EHMT1: variants seen among roughly 807,000 people sequenced by gnomAD.
The protein encoded by EHMT1 is euchromatic histone lysine methyltransferase 1.
EHMT1 carries 15 observed loss-of-function variants against 147.2 expected under a neutral mutation model. The observed-to-expected ratio is 0.10, with a 90% CI of 0.07 to 0.16. The LOEUF (loss-of-function observed/expected upper bound fraction) is 0.16. EHMT1 is among the 10% of genes least tolerant of loss of function. The probability of loss-of-function intolerance (pLI) is 1.00; values close to 1 mark genes in which losing one functional copy is unlikely to be tolerated. For synonymous variants in EHMT1, 795 were observed against 709.6 expected (o/e 1.12, Z -1.91); for missense variants, 1,587 against 1,772.4 (o/e 0.90, Z 1.88).
intron 5 of EHMT1, 121 bp from the exon 6 acceptor site, chr9:137,743,781 G>C: frequency 7.7e-7 from 1 of 1,293,136 alleles, no homozygotes; most frequent in Non-Finnish European, 1.1e-6. Context: ...ACCTCTTCGT[G>C]TGTCCCCGCC....
At chr9:137,723,181 G>A (rs1469758610) in intron 3 of EHMT1, among the ~76,000 whole-genome samples, 1 of 116,286 alleles carries the variant, frequency 8.6e-6, no homozygotes, top group Non-Finnish European at 1.8e-5. Flanking sequence ...TGAGTCCGGG[G>A]TGTGCCTGTG....
chr9:137,645,367 C>A (rs1364193832), intron 1 of EHMT1, among the ~76,000 whole-genome samples: 3 of 152,194 alleles, frequency 2.0e-5, no homozygotes, highest in African/African-American at 7.2e-5. Flanking sequence ...AGACAGGAAC[C>A]ATTTATCCAT....
In EHMT1 at chr9:137,752,424, T is replaced by G. The variant is rs777305555; in HGVS notation, c.1248+16T>G. 4.2e-5 allele frequency: 67 copies of G among 1,611,398 alleles called. No individual in the cohort carries two copies. Among genetic ancestry groups the G allele is most frequent in the East Asian group, 1.1e-4 (5 of 44,824 alleles). On this transcript the variant is annotated intron_variant, in intron 7 of 26. Transcript: ENST00000460843. ...GTCTGACCTGGTAATGCCCAGCGCC[T>G]CCTCCTGCGTCTGTGCTGATGTAGA...
chr9:137,722,662 CTGTG>C (rs1270804085), intron 3 of EHMT1, among the ~76,000 whole-genome samples: 21 of 151,340 alleles, frequency 1.4e-4, no homozygotes, highest in Non-Finnish European at 1.9e-4. Context: ...GCGGCAGAGA[CTGTG>C]GGTGGGTGGG....
Position 137,716,865 on chromosome 9 carries a change from G to A in EHMT1, c.325G>A (p.Val109Ile), listed in dbSNP as rs199703555. The change falls in exon 3 of 27, where the codon GTC (valine) becomes ATC (isoleucine). Residue 109 changes from valine to isoleucine, a missense_variant. By Grantham distance (29) the Val-to-Ile change is conservative. Around this residue, in one of 7 missense-constraint regions of EHMT1, gnomAD observed 810 missense variants for 673.0 expected, o/e 1.20. Transcript: ENST00000460843. Reference protein sequence around the residue: ...RDSEAAKQNHVTADDFVQTSV... With the variant: ...RDSEAAKQNHITADDFVQTSV... ...CTCAGAAGCGGCGAAGCAAAACCAC[G>A]TCACTGCCGACGACTTTGTGCAGAC... The A allele has an allele frequency of 4.0e-5, 64 of 1,613,158 alleles. No homozygotes were observed. The highest frequency in any genetic ancestry group is 4.4e-5 in the Non-Finnish European group (52 of 1,179,924).
chr9:137,710,067 G>A (rs1007390343), intron 1 of EHMT1, among the ~76,000 whole-genome samples: 2 of 152,000 alleles, frequency 1.3e-5, no homozygotes, highest in African/African-American at 2.4e-5. Context: ...CTGCTGCTGC[G>A]TCGGGAGAGG....
chr9:137,716,631 C>G lies in EHMT1; in HGVS notation c.91C>G (p.Pro31Ala), dbSNP rs759512176. 1.5e-5 allele frequency: 23 copies of G among 1,565,026 alleles called. No homozygotes were observed. Among genetic ancestry groups the G allele is most frequent in the Non-Finnish European group, 1.9e-5 (22 of 1,153,696 alleles). ...ACTCGTTTCTTTGTTGGCAGAGACA[C>G]CTATGGCTGCCGATGAAGGCTCAGC... The part of the protein sequence containing the change: ...VKTELLGEET[P>A]MAADEGSAEK... The change falls in exon 3 of 27, where the codon CCT becomes GCT. Residue 31 changes from proline (P) to alanine (A), a missense_variant. Pro to Ala is a conservative substitution (Grantham distance 27). Around this residue, in one of 7 missense-constraint regions of EHMT1, gnomAD observed 810 missense variants for 673.0 expected, o/e 1.20. Transcript: ENST00000460843.
At chr9:137,788,129 G>C in intron 15 of EHMT1, 1 of 1,177,426 alleles carries the variant, frequency 8.5e-7, no homozygotes, top group Non-Finnish European at 1.2e-6. Flanking sequence ...TCTCAGAGGA[G>C]GGCAGGGGTG....
intron 19 of EHMT1, among the ~76,000 whole-genome samples, chr9:137,812,133 G>C (rs1954540842): frequency 6.6e-6 from 1 of 152,242 alleles, no homozygotes. Context: ...GAGGTCAGGA[G>C]TTTGAGACTA....
rs1345459127 is a variant in EHMT1, at chr9:137,787,994, C to T, written c.2383-2854C>T. 2 of 1,469,778 alleles carry T rather than the reference C, an allele frequency of 1.4e-6. No individual in the cohort carries two copies. Among genetic ancestry groups the T allele is most frequent in the Admixed American group, 1.8e-5 (1 of 56,930 alleles). 91.0% of individuals were successfully genotyped at this position (1,469,778 alleles called of 1,614,324 possible). A position where few individuals can be genotyped will look rare whatever the true frequency, so the allele number is the denominator to read the frequency against. On this transcript the variant is annotated intron_variant, in intron 15 of 26. Transcript: ENST00000460843. This position sits in a 1 kb window ranked among gnomAD's most constrained non-coding sequence, Gnocchi z 4.2. Reference sequence around the variant, plus strand: ...GCCCCCCAGGAACTGAGGTGCCCTGCAGTAAGTGGAGAGGCCAGGCCCTAG... The same window carrying T: ...GCCCCCCAGGAACTGAGGTGCCCTGTAGTAAGTGGAGAGGCCAGGCCCTAG...
intron 25 of EHMT1, 39 bp downstream of exon 25, chr9:137,818,177 T>A (rs1484288301): frequency 1.2e-6 from 2 of 1,606,180 alleles, no homozygotes; most frequent in Non-Finnish European, 1.7e-6. Flanking sequence ...GCAGAACTTG[T>A]GAACTGTAAA....
chr9:137,693,316 T>A (rs1334231679), intron 1 of EHMT1, among the ~76,000 whole-genome samples: 2 of 152,104 alleles, frequency 1.3e-5, no homozygotes, highest in Non-Finnish European at 2.9e-5. Context: ...ATATATTGAA[T>A]AATATTAGAG....
chr9:137,635,757 T>C (rs1297384403), intron 1 of EHMT1, among the ~76,000 whole-genome samples: 4 of 150,340 alleles, frequency 2.7e-5, no homozygotes, highest in African/African-American at 9.7e-5. Flanking sequence ...GAGGCGGAGC[T>C]TGCAGTGAGC....
At chr9:137,834,745 TG>T (rs1190564276) in intron 26 of EHMT1, 27 bp from the exon 27 acceptor site, 1 of 1,613,268 alleles carries the variant, frequency 6.2e-7, no homozygotes, top group East Asian at 2.2e-5. Flanking sequence ...GGATTCGACT[TG>T]GAGCCTTGGT....
chr9:137,763,511 C>T, intron 10 of EHMT1: 1 of 156,554 alleles, frequency 6.4e-6, no homozygotes, highest in Non-Finnish European at 1.4e-5. Context: ...CTTGCATTTG[C>T]TGTGGCCGAA....
intron 6 of EHMT1, among the ~76,000 whole-genome samples, chr9:137,750,019 C>T (rs911625117): frequency 3.9e-5 from 6 of 152,104 alleles, no homozygotes; most frequent in Admixed American, 1.3e-4. Flanking sequence ...AGAGAAGAAC[C>T]GGAAATAAAC....
intron 10 of EHMT1, chr9:137,763,316 C>A: frequency 4.3e-6 from 1 of 234,804 alleles, no homozygotes; most frequent in South Asian, 7.1e-5. Context: ...GGGGATCAGG[C>A]AGAGCACAGA....
At chr9:137,729,565 C>T (rs1026618101) in intron 4 of EHMT1, among the ~76,000 whole-genome samples, 2 of 150,550 alleles carry the variant, frequency 1.3e-5, no homozygotes, top group Non-Finnish European at 2.9e-5. Flanking sequence ...CCAGCCTGGG[C>T]GACAGAGCAA....
intron 2 of EHMT1, 142 bp downstream of exon 2, chr9:137,711,172 A>G (rs1309291439): frequency 1.0e-5 from 8 of 778,174 alleles, no homozygotes; most frequent in Non-Finnish European, 1.6e-5. Flanking sequence ...AATCTATCCC[A>G]TTCCTAAATA....
Sources: allele counts gnomAD v4.1 joint callset (sites outside exome capture counted in the v4.1 genomes callset), GRCh38; gene constraint gnomAD v4.1.1; regional missense constraint gnomAD v4.1.1; non-coding constraint Gnocchi (gnomAD v3.1); transcripts MANE v1.5; gene names NCBI Gene and HGNC (gene_info 2026-07-23, HGNC 2026-07-21).